RAP1A: variants seen among roughly 807,000 people sequenced by gnomAD.
The protein encoded by RAP1A is RAP1A, member of RAS oncogene family, also known as ras-related protein Rap-1A.
In RAP1A, 6 loss-of-function variants were observed where a neutral mutation model predicts 26.4. That is an observed-to-expected ratio of 0.23 (90% CI 0.12 to 0.45). The LOEUF is 0.45. Among genes scored for constraint, RAP1A ranks in the 20% least tolerant of loss-of-function variants. The pLI is 0.99. For missense variants in RAP1A, 121 were observed against 217.2 expected (o/e 0.56, Z 2.78); for synonymous variants, 73 against 79.4 (o/e 0.92, Z 0.43).
intron 1 of RAP1A, among the ~76,000 whole-genome samples, chr1:111,620,917 C>A (rs1407441319): frequency 6.6e-6 from 1 of 152,136 alleles, no homozygotes; most frequent in African/African-American, 2.4e-5. Flanking sequence ...CCTCTTAGGG[C>A]TGAGAACCAG....
chr1:111,714,053 T>G lies in RAP1A; in HGVS notation c.*1652T>G, dbSNP rs147405856. 2.0e-5 allele frequency: 3 copies of G among 152,226 alleles called. No individual in the cohort carries two copies. Among genetic ancestry groups the G allele is most frequent in the Non-Finnish European group, 4.4e-5 (3 of 68,034 alleles). The allele number at this position is 152,226 out of a possible 1,614,324, so 9.4% of individuals were successfully genotyped here. A position where few individuals can be genotyped will look rare whatever the true frequency, so the allele number is the denominator to read the frequency against. The stretch of plus-strand genomic sequence containing the variant: ...GTGGTCAGCCTGTCACTTACTAAAC[T>G]GAAATTTTAAAATCAGGTTTCAAAT... On this transcript the variant is annotated 3_prime_UTR_variant, in exon 8 of 8. Coordinates refer to ENST00000369709, the MANE Select transcript of RAP1A (RefSeq NM_002884.4).
At chr1:111,550,683 A>G (rs1036262261) in intron 1 of RAP1A, among the ~76,000 whole-genome samples, 3 of 152,194 alleles carry the variant, frequency 2.0e-5, no homozygotes, top group African/African-American at 7.2e-5. Context: ...ATTTTAAAAG[A>G]TGGGGTCTCA....
At chr1:111,659,437 A>G (rs1660564106) in intron 1 of RAP1A, among the ~76,000 whole-genome samples, 1 of 151,840 alleles carries the variant, frequency 6.6e-6, no homozygotes, top group Non-Finnish European at 1.5e-5. Context: ...GGTCTACTGT[A>G]TTTATATTTA....
At chr1:111,638,998 C>G (rs1161624412) in intron 1 of RAP1A, among the ~76,000 whole-genome samples, 1 of 151,986 alleles carries the variant, frequency 6.6e-6, no homozygotes, top group Non-Finnish European at 1.5e-5. Context: ...AACAAACAAG[C>G]TATTGAGCTG....
intron 1 of RAP1A, among the ~76,000 whole-genome samples, chr1:111,690,936 T>G (rs1241407066): frequency 6.6e-6 from 1 of 152,220 alleles, no homozygotes; most frequent in Non-Finnish European, 1.5e-5. Context: ...ACAAATAAAA[T>G]AGCATGTACA....
chr1:111,610,103 C>G (rs1658896897), intron 1 of RAP1A, among the ~76,000 whole-genome samples: 1 of 152,176 alleles, frequency 6.6e-6, no homozygotes, highest in Non-Finnish European at 1.5e-5. Context: ...CTTGCAAAAC[C>G]CTAAGACTCA....
chr1:111,575,881 A>G (rs1180324917), intron 1 of RAP1A, among the ~76,000 whole-genome samples: 2 of 152,260 alleles, frequency 1.3e-5, no homozygotes, highest in Non-Finnish European at 2.9e-5. Context: ...TAGATCACCT[A>G]GCACATGAAT....
chr1:111,703,350 A>G lies in RAP1A; in HGVS notation c.198A>G (p.Ala66=). ...TTAAATCATAGGAGCAATTTACAGC[A>G]ATGAGGGATTTGTATATGAAGAACG... ...LDTAGTEQFT[A]MRDLYMKNGQ... Residue 66 remains alanine (A), a synonymous_variant, in exon 5 of 8, where the codon GCA becomes GCG. Transcript: ENST00000369709. 6.4e-7 allele frequency: 1 copy of G among 1,571,258 alleles called. No homozygotes were observed. Among genetic ancestry groups the G allele is most frequent in the Non-Finnish European group, 8.7e-7 (1 of 1,155,796 alleles).
At chr1:111,663,151 A>G (rs1353341100) in intron 1 of RAP1A, among the ~76,000 whole-genome samples, 1 of 152,140 alleles carries the variant, frequency 6.6e-6, no homozygotes, top group Non-Finnish European at 1.5e-5. Flanking sequence ...TGACCTCATG[A>G]TCCACCCGCC....
intron 1 of RAP1A, among the ~76,000 whole-genome samples, chr1:111,688,829 T>G (rs1307907332): frequency 9.3e-5 from 11 of 118,520 alleles, no homozygotes; most frequent in South Asian, 2.7e-4. Flanking sequence ...TTTGTTTTTT[T>G]TTTTGTTTTT....
chr1:111,663,466 C>G (rs1370351249), intron 1 of RAP1A, among the ~76,000 whole-genome samples: 1 of 152,190 alleles, frequency 6.6e-6, no homozygotes, highest in Non-Finnish European at 1.5e-5. Flanking sequence ...ACTCTAGTTA[C>G]ATTAATAAAG....
intron 1 of RAP1A, among the ~76,000 whole-genome samples, chr1:111,666,819 G>A (rs1454404413): frequency 1.3e-5 from 2 of 152,162 alleles, no homozygotes; most frequent in Non-Finnish European, 2.9e-5. Flanking sequence ...AGTGGAGAAG[G>A]AAGAAGTCAT....
chr1:111,685,410 A>G (rs1335101935), intron 1 of RAP1A, among the ~76,000 whole-genome samples: 1 of 111,264 alleles, frequency 9.0e-6, no homozygotes, highest in Non-Finnish European at 1.8e-5. Context: ...ATCTACAAGG[A>G]ACTTAAACAA....
intron 1 of RAP1A, among the ~76,000 whole-genome samples, chr1:111,643,109 T>C (rs545689844): frequency 2.6e-5 from 4 of 152,102 alleles, no homozygotes; most frequent in Non-Finnish European, 5.9e-5. Flanking sequence ...GTAAGTACTT[T>C]AGGATTTTGG....
intron 1 of RAP1A, among the ~76,000 whole-genome samples, chr1:111,676,682 C>T (rs1188734083): frequency 6.6e-6 from 1 of 152,112 alleles, no homozygotes; most frequent in Admixed American, 6.5e-5. Flanking sequence ...CTCATCACCC[C>T]AAAAAGTATC....
chr1:111,688,291 G>A (rs1168568012), intron 1 of RAP1A, among the ~76,000 whole-genome samples: 18 of 129,032 alleles, frequency 1.4e-4, no homozygotes, highest in African/African-American at 3.9e-4. Context: ...GTGTGTGTGT[G>A]TGTGTGTGTA....
Position 111,669,713 on chromosome 1 carries a change from C to T in RAP1A, c.-27-21621C>T, listed in dbSNP as rs373658084. ...TCTAATAGTTGTCTAACCAGAATTTCAGATATGAAGAAAAATCAAGTAGAT... is the reference window on the plus strand; with the variant it reads ...TCTAATAGTTGTCTAACCAGAATTTTAGATATGAAGAAAAATCAAGTAGAT... On this transcript the variant is annotated intron_variant, in intron 1 of 7. Transcript: ENST00000369709. 2.6e-5 allele frequency among the ~76,000 whole-genome samples: 4 copies of T among 152,166 alleles called. No individual in the cohort carries two copies. The East Asian group carries it at 5.8e-4, about 22-fold the overall frequency.
rs758774319 is a variant in RAP1A at position 111,715,906 on chromosome 1, C to T, written c.*3505C>T. 1 of 152,164 alleles carries T rather than the reference C, an allele frequency of 6.6e-6. No individual in the cohort carries two copies. Among genetic ancestry groups the T allele is most frequent in the Non-Finnish European group, 1.5e-5 (1 of 68,026 alleles). The allele number at this position is 152,164 out of a possible 1,614,324, so 9.4% of individuals were successfully genotyped here. A position where few individuals can be genotyped will look rare whatever the true frequency, so the allele number is the denominator to read the frequency against. ...ACACATGTATTTGTCAGTTTATGTG[C>T]CTCAGTTTTGTCTTAGGCACTGAGG... On this transcript the variant is annotated 3_prime_UTR_variant, in exon 8 of 8. Transcript: ENST00000369709.
chr1:111,639,577 T>TC (rs1023821530), intron 1 of RAP1A, among the ~76,000 whole-genome samples: 1 of 152,026 alleles, frequency 6.6e-6, no homozygotes, highest in African/African-American at 2.4e-5. Context: ...TTTTTTTTTT[T>TC]TCCTTAGGAC....
Sources: allele counts gnomAD v4.1 joint callset (sites outside exome capture counted in the v4.1 genomes callset), GRCh38; gene constraint gnomAD v4.1.1; transcripts MANE v1.5; gene names NCBI Gene and HGNC (gene_info 2026-07-23, HGNC 2026-07-21).